VAV2: variants seen among roughly 807,000 people sequenced by gnomAD.
The protein encoded by VAV2 is vav guanine nucleotide exchange factor 2.
A neutral mutation model predicts 132.5 loss-of-function variants in VAV2; 67 were observed. That is an observed-to-expected ratio of 0.51 (90% confidence interval 0.42 to 0.62). The LOEUF is 0.62. VAV2 is among the 20% of genes least tolerant of loss of function. VAV2 has a pLI of 0.00. For missense variants in VAV2, 938 were observed against 1,153.6 expected (o/e 0.81, Z 2.71); for synonymous variants, 492 against 443.5 (o/e 1.11, Z -1.37).
chr9:133,967,332 A>G (rs562270654), intron 1 of VAV2, among the ~76,000 whole-genome samples: 55 of 152,340 alleles, frequency 3.6e-4, no homozygotes, highest in African/African-American at 1.3e-3. Flanking sequence ...TACAGCCACT[A>G]TAGGAAACAG....
chr9:133,915,912 A>G (rs1038266359), intron 2 of VAV2, among the ~76,000 whole-genome samples: 1 of 151,908 alleles, frequency 6.6e-6, no homozygotes, highest in African/African-American at 2.4e-5. Context: ...GCACACGTGC[A>G]CACACAATGC....
At chr9:133,989,254 G>A (rs371167521) in intron 1 of VAV2, among the ~76,000 whole-genome samples, 4 of 151,712 alleles carry the variant, frequency 2.6e-5, no homozygotes, top group African/African-American at 7.3e-5. Context: ...CAGGAGAATC[G>A]CTTGAACCCG....
At chr9:133,808,785 C>T (rs997149052) in intron 7 of VAV2, among the ~76,000 whole-genome samples, 1 of 152,190 alleles carries the variant, frequency 6.6e-6, no homozygotes, top group Non-Finnish European at 1.5e-5. Context: ...AGCCGTAATC[C>T]CACCCCGATT....
intron 2 of VAV2, among the ~76,000 whole-genome samples, chr9:133,914,358 T>C (rs1473290112): frequency 6.6e-6 from 1 of 151,842 alleles, no homozygotes; most frequent in Non-Finnish European, 1.5e-5. Flanking sequence ...CCAAGAAATG[T>C]AGACACCCCA....
intron 1 of VAV2, among the ~76,000 whole-genome samples, chr9:133,968,551 T>TC (rs1842221842): frequency 6.6e-6 from 1 of 151,598 alleles, no homozygotes; most frequent in Admixed American, 6.6e-5. Flanking sequence ...GTCCCCAGGG[T>TC]CCCTACCCAT....
In VAV2 at chr9:133,976,915, AG is replaced by A. The variant is rs1842530252; in HGVS notation, c.204+15159del. Among the ~76,000 whole-genome samples the A allele has an allele frequency of 5.9e-5, 9 of 152,344 alleles. No homozygotes were observed. In the South Asian group the frequency reaches 1.9e-3, roughly 32 times the overall value. On this transcript the variant is annotated intron_variant, in intron 1 of 29. Transcript: ENST00000371850. ...AGGCTCCAGGAAGGTCAAGCTCAAAAGCACACAGTGTGAGCAGCTCCAGGAC... is the reference window on the plus strand; with the variant it reads ...AGGCTCCAGGAAGGTCAAGCTCAAAACACACAGTGTGAGCAGCTCCAGGAC...
intron 2 of VAV2, among the ~76,000 whole-genome samples, chr9:133,869,308 AC>A (rs1186973629): frequency 6.6e-6 from 1 of 151,990 alleles, no homozygotes; most frequent in African/African-American, 2.4e-5. Context: ...AACAACGACA[AC>A]AACAAAGTCT....
intron 1 of VAV2, among the ~76,000 whole-genome samples, chr9:133,947,107 C>A (rs1292862506): frequency 1.3e-5 from 2 of 152,210 alleles, no homozygotes; most frequent in Admixed American, 6.5e-5. Flanking sequence ...AGCAGAGAGT[C>A]CACGATGCCT....
intron 1 of VAV2, among the ~76,000 whole-genome samples, chr9:133,985,048 A>G (rs1220383171): frequency 6.6e-6 from 1 of 152,146 alleles, no homozygotes; most frequent in African/African-American, 2.4e-5. Context: ...GGCAGCACTG[A>G]TATAGACAGA....
chr9:133,947,492 G>C (rs1427165128), intron 1 of VAV2, among the ~76,000 whole-genome samples: 1 of 152,084 alleles, frequency 6.6e-6, no homozygotes, highest in Non-Finnish European at 1.5e-5. Flanking sequence ...CTGAGGTCAG[G>C]AGTTTGAGAC....
At chr9:133,895,643 T>G (rs7859202) in intron 2 of VAV2, among the ~76,000 whole-genome samples, 39,883 of 151,738 alleles carry the variant, frequency 0.26, 5,498 homozygotes, top group African/African-American at 0.34. Context: ...GCTGGGGAAA[T>G]TTGGGGGGGA....
At chr9:133,858,477 C>T (rs1453640859) in intron 3 of VAV2, among the ~76,000 whole-genome samples, 2 of 152,152 alleles carry the variant, frequency 1.3e-5, no homozygotes, top group Non-Finnish European at 1.5e-5. Context: ...TGTATCCTGG[C>T]TCCACCCCGG....
At position 133,926,980 on chromosome 9, in the gene VAV2, C is replaced by T. The variant is rs1365452641; in HGVS notation, c.321+12123G>A. ...CCATCTCAGAAAAATCAATGCAATTCTGCAAACACCGGGCAGCCTGTCACA... is the reference window on the plus strand; with the variant it reads ...CCATCTCAGAAAAATCAATGCAATTTTGCAAACACCGGGCAGCCTGTCACA... On this transcript the variant is annotated intron_variant, in intron 2 of 29. Transcript: ENST00000371850. This position sits in a 1 kb window ranked among gnomAD's most constrained non-coding sequence, Gnocchi z 4.3. Among the ~76,000 whole-genome samples, 1 of 152,200 alleles carries T rather than the reference C, an allele frequency of 6.6e-6. No individual in the cohort carries two copies. The highest frequency in any genetic ancestry group is 2.4e-5 in the African/African-American group (1 of 41,446).
intron 5 of VAV2, among the ~76,000 whole-genome samples, chr9:133,810,660 T>C (rs1351463613): frequency 6.6e-6 from 1 of 152,132 alleles, no homozygotes; most frequent in East Asian, 1.9e-4. Context: ...GAGCGGGACA[T>C]AGGCAGCGCT....
chr9:133,780,964 G>A (rs1260685549), intron 19 of VAV2, among the ~76,000 whole-genome samples: 2 of 152,236 alleles, frequency 1.3e-5, no homozygotes, highest in African/African-American at 4.8e-5. Context: ...CTTGGACTGG[G>A]TAATAGACCT....
chr9:133,986,859 T>A (rs968301413), intron 1 of VAV2, among the ~76,000 whole-genome samples: 30 of 152,050 alleles, frequency 2.0e-4, no homozygotes, highest in Admixed American at 2.0e-3. Flanking sequence ...CGCTTTTCAG[T>A]CACCAAGCAC....
At chr9:133,828,995 C>T (rs1235046902) in intron 4 of VAV2, among the ~76,000 whole-genome samples, 5 of 152,212 alleles carry the variant, frequency 3.3e-5, no homozygotes, top group African/African-American at 9.6e-5. Context: ...ACTCCGCCAG[C>T]CCCACTCTGC....
chr9:133,889,183 A>G (rs985662743), intron 2 of VAV2, among the ~76,000 whole-genome samples: 7 of 152,138 alleles, frequency 4.6e-5, no homozygotes, highest in African/African-American at 1.7e-4. Flanking sequence ...CGGATACCAG[A>G]TGACCCCAGA....
intron 2 of VAV2, among the ~76,000 whole-genome samples, chr9:133,938,806 G>T (rs188489418): frequency 6.6e-6 from 1 of 152,132 alleles, no homozygotes; most frequent in Non-Finnish European, 1.5e-5. Flanking sequence ...ACAGGGCCAG[G>T]GTTGTCTGCA....
Sources: gnomAD v4.1 joint callset for allele counts (sites outside exome capture counted in the v4.1 genomes callset) on GRCh38, gnomAD v4.1.1 for gene constraint, Gnocchi (gnomAD v3.1) non-coding constraint, MANE v1.5 for transcripts, NCBI Gene and HGNC (gene_info 2026-07-23, HGNC 2026-07-21) for gene names.